The following LRP1 variants were observed in gnomAD, a reference collection of about 807,000 sequenced individuals.
LRP1 encodes prolow-density lipoprotein receptor-related protein 1.
In LRP1, 51 loss-of-function variants were observed where a neutral mutation model predicts 541.5. That is an observed-to-expected ratio of 0.09 (90% confidence interval 0.08 to 0.12). LRP1 has a LOEUF of 0.12. Among genes scored for constraint, LRP1 ranks in the 10% least tolerant of loss-of-function variants. The probability of loss-of-function intolerance (pLI) is 1.00; values close to 1 mark genes in which losing one functional copy is unlikely to be tolerated. For synonymous variants in LRP1, 2,219 were observed against 2,470.8 expected (o/e 0.90, Z 3.02); for missense variants, 3,878 against 6,376.2 (o/e 0.61, Z 13.34).
In LRP1 at chr12:57,185,508, C is replaced by T. The variant is rs201113709; in HGVS notation, c.6464-23C>T. On this transcript the variant is annotated intron_variant, in intron 40 of 88. Coordinates refer to ENST00000243077, the MANE Select transcript of LRP1 (RefSeq NM_002332.3). This position sits in a 1 kb window ranked among gnomAD's most constrained non-coding sequence, Gnocchi z 4.9. ...AGCCTTTCCCAAGGCAGGCCCTGCC[C>T]TCTGTACCCTCCCCTCCCCCAGGCA... The T allele has an allele frequency of 1.9e-6, 3 of 1,565,834 alleles. No individual in the cohort carries two copies. The highest frequency in any genetic ancestry group is 2.3e-5 in the East Asian group (1 of 44,276).
chr12:57,190,946 C>T lies in LRP1; in HGVS notation c.7173C>T (p.Leu2391=), dbSNP rs140858136. Reference sequence around the variant, plus strand: ...CCATCGACCACCGTGCCGAGAAGCTCTACTTCTCTGACGCCACCCTGGACA... The same window carrying T: ...CCATCGACCACCGTGCCGAGAAGCTTTACTTCTCTGACGCCACCCTGGACA... The part of the protein sequence containing the change: ...GLAIDHRAEK[L]YFSDATLDKI... The change falls in exon 43 of 89, where the codon CTC becomes CTT. Residue 2391 remains leucine (L), a synonymous_variant. Transcript: ENST00000243077. The T allele has an allele frequency of 5.6e-6, 9 of 1,613,354 alleles. No individual in the cohort carries two copies. The Admixed American group carries it at 1.2e-4, about 21-fold the overall frequency.
At position 57,185,603 on chromosome 12, in the gene LRP1, C is replaced by A. The variant is rs775397739; in HGVS notation, c.6536C>A (p.Ala2179Asp). 2 of 1,608,890 alleles carry A rather than the reference C, an allele frequency of 1.2e-6. No homozygotes were observed. The highest frequency in any genetic ancestry group is 2.7e-5 in the African/African-American group (2 of 74,924). The change falls in exon 41 of 89, where the codon GCC becomes GAC. Residue 2179 changes from alanine (A) to aspartate (D), a missense_variant. Ala to Asp is a moderately radical substitution (Grantham distance 126). Transcript: ENST00000243077. This position sits in a 1 kb window ranked among gnomAD's most constrained non-coding sequence, Gnocchi z 4.9. ...LCLYRGRGQR[A>D]CACAHGMLAE... is the part of the protein sequence containing the mutation. Reference sequence around the variant, plus strand: ...CTGTACCGGGGCCGTGGGCAGCGGGCCTGCGCCTGTGCCCACGGGATGCTG... The same window carrying A: ...CTGTACCGGGGCCGTGGGCAGCGGGACTGCGCCTGTGCCCACGGGATGCTG...
Position 57,205,233 on chromosome 12 carries a change from G to A in LRP1, c.11319G>A (p.Glu3773=). The change falls in exon 73 of 89, where the codon GAG becomes GAA. Residue 3773 remains glutamate (E), a synonymous_variant. Coordinates refer to ENST00000243077, the MANE Select transcript of LRP1 (RefSeq NM_002332.3). This position sits in a 1 kb window ranked among gnomAD's most constrained non-coding sequence, Gnocchi z 4.6. ...MFDDCGDGSD[E]EDCSIDPKLT... ...ATGACTGCGGGGACGGCTCTGACGAGGAGGACTGCAGCATCGGTGAGGCCC... is the reference window on the plus strand; with the variant it reads ...ATGACTGCGGGGACGGCTCTGACGAAGAGGACTGCAGCATCGGTGAGGCCC... 1 of 1,613,138 alleles carries A rather than the reference G, an allele frequency of 6.2e-7. No homozygotes were observed. Among genetic ancestry groups the A allele is most frequent in the Non-Finnish European group, 8.5e-7 (1 of 1,179,526 alleles).
At position 57,204,175 on chromosome 12, in the gene LRP1, GAGA is replaced by G. The variant is rs1405970594; in HGVS notation, c.10952-232_10952-230del. Reference sequence around the variant, plus strand: ...CAGCACAGTGCCCTGCCACATACCAGAGAAGGAGTGCCCTCTGAACTCCTCCAG... The same window carrying G: ...CAGCACAGTGCCCTGCCACATACCAGAGGAGTGCCCTCTGAACTCCTCCAG... On this transcript the variant is annotated intron_variant, in intron 70 of 88. Coordinates refer to ENST00000243077, the MANE Select transcript of LRP1 (RefSeq NM_002332.3). This position sits in a 1 kb window ranked among gnomAD's most constrained non-coding sequence, Gnocchi z 5.3. 15 of 456,880 alleles carry G rather than the reference GAGA, an allele frequency of 3.3e-5. 1 individual carries two copies. The highest frequency in any genetic ancestry group is 2.6e-4 in the Admixed American group (7 of 26,838). The allele number at this position is 456,880 out of a possible 1,614,324, so 28.3% of individuals were successfully genotyped here. A position where few individuals can be genotyped will look rare whatever the true frequency, so the allele number is the denominator to read the frequency against.
chr12:57,159,057 G>A (rs901909395), intron 11 of LRP1, among the ~76,000 whole-genome samples: 2 of 152,224 alleles, frequency 1.3e-5, no homozygotes. Flanking sequence ...GCATGCTAAT[G>A]TGTCCTGAGA....
rs1439569485 is a variant in LRP1, at chr12:57,204,238, ACC to A, written c.10952-171_10952-170del. ...AAAAATGGCCTCTTCTCCCCTAAAT[ACC>A]AGAGGGGGCAGTTTGGCCCCACCAA... On this transcript the variant is annotated intron_variant, in intron 70 of 88. Coordinates refer to ENST00000243077, the MANE Select transcript of LRP1 (RefSeq NM_002332.3). This position sits in a 1 kb window ranked among gnomAD's most constrained non-coding sequence, Gnocchi z 5.3. 5 of 711,628 alleles carry A rather than the reference ACC, an allele frequency of 7.0e-6. No homozygotes were observed. The African/African-American group carries it at 8.9e-5, about 13-fold the overall frequency. The allele number at this position is 711,628 out of a possible 1,614,324, so 44.1% of individuals were successfully genotyped here.
intron 67 of LRP1, 174 bp downstream of exon 67, chr12:57,202,079 C>A: frequency 1.3e-6 from 1 of 779,114 alleles, no homozygotes; most frequent in Admixed American, 2.5e-5. Context: ...GAGCTCACTT[C>A]CCCACATCCA....
At chr12:57,151,533 G>C (rs541639793) in intron 6 of LRP1, among the ~76,000 whole-genome samples, 1 of 152,380 alleles carries the variant, frequency 6.6e-6, no homozygotes, top group Non-Finnish European at 1.5e-5. Flanking sequence ...GTGCGCTCAG[G>C]TGGTTGGCCC....
rs749929105 is a variant in LRP1 at position 57,177,193 on chromosome 12, C to G, written c.4144C>G (p.Leu1382Val). Residue 1382 changes from leucine (L) to valine (V), a missense_variant, in exon 25 of 89, where the codon CTG becomes GTG. Leu to Val is a conservative substitution (Grantham distance 32). Around this residue, in one of 13 missense-constraint regions of LRP1, gnomAD observed 24 missense variants for 109.1 expected, o/e 0.22. Coordinates refer to ENST00000243077, the MANE Select transcript of LRP1 (RefSeq NM_002332.3). The surrounding 1 kb of genome is among the most constrained non-coding windows in gnomAD (Gnocchi z 6.8). ...GGATGGGACCCTCCGGACCACCCTG[C>G]TGGCCGGTGACATTGAGCACCCAAG... ...KLDGTLRTTLLAGDIEHPRAI... is the reference protein window; with the variant it reads ...KLDGTLRTTLVAGDIEHPRAI... 4 of 1,614,116 alleles carry G rather than the reference C, an allele frequency of 2.5e-6. No homozygotes were observed. The highest frequency in any genetic ancestry group is 3.3e-5 in the Admixed American group (2 of 60,012).
chr12:57,208,186 C>T lies in LRP1; in HGVS notation c.12008C>T (p.Pro4003Leu). The change falls in exon 77 of 89, where the codon CCC becomes CTC. Residue 4003 changes from proline to leucine, a missense_variant. By Grantham distance (98) the Pro-to-Leu change is moderately conservative (BLOSUM62 -3). Coordinates refer to ENST00000243077, the MANE Select transcript of LRP1 (RefSeq NM_002332.3). ...CTCATCTCGGGCATGATTGACGAGC[C>T]CCACGCCATTGTGGTGGACCCACTG... Reference protein sequence around the residue: ...KTLISGMIDEPHAIVVDPLRG... With the variant: ...KTLISGMIDELHAIVVDPLRG... The T allele has an allele frequency of 1.2e-6, 2 of 1,613,956 alleles. No individual in the cohort carries two copies. Among genetic ancestry groups the T allele is most frequent in the Non-Finnish European group, 1.7e-6 (2 of 1,179,954 alleles).
intron 2 of LRP1, among the ~76,000 whole-genome samples, chr12:57,140,561 T>A (rs1490394854): frequency 6.6e-6 from 1 of 152,160 alleles, no homozygotes; most frequent in Non-Finnish European, 1.5e-5. Flanking sequence ...GCCTTTCAAG[T>A]GCTTGATAGC....
At chr12:57,135,830 TGGGGGACAGCGG>T (rs2035149087) in intron 1 of LRP1, among the ~76,000 whole-genome samples, 1 of 131,714 alleles carries the variant, frequency 7.6e-6, no homozygotes. Context: ...AAAATGGGGG[TGGGGGACAGCGG>T]GGGGGACTCA....
Position 57,208,055 on chromosome 12 carries a change from G to A in LRP1, c.11877G>A (p.Met3959Ile). Residue 3959 changes from methionine (M) to isoleucine (I), a missense_variant, in exon 77 of 89, where the codon ATG becomes ATA. Transcript: ENST00000243077. ...CCATTCAGATTTCAGGGCTGAAGAT[G>A]CCCAGAGGCATCGCCATCGACTGGG... is the stretch of plus-strand genomic sequence containing the variant. ...VTHLNISGLK[M>I]PRGIAIDWVA... 2 of 1,614,074 alleles carry A rather than the reference G, an allele frequency of 1.2e-6. No homozygotes were observed. The highest frequency in any genetic ancestry group is 1.7e-6 in the Non-Finnish European group (2 of 1,180,000).
intron 77 of LRP1, 170 bp downstream of exon 77, chr12:57,208,386 C>T: frequency 1.4e-6 from 1 of 722,010 alleles, no homozygotes; most frequent in Non-Finnish European, 2.2e-6. Flanking sequence ...CCTCCCCATG[C>T]TGCCTCTGCC....
chr12:57,202,966 G>T, intron 68 of LRP1: 1 of 577,350 alleles, frequency 1.7e-6, no homozygotes, highest in East Asian at 2.8e-5. Flanking sequence ...GTCCTCTCTG[G>T]TGTCTGTCCC....
rs748306355 is a variant in LRP1 at position 57,175,581 on chromosome 12, C to G, written c.3669C>G (p.Ile1223Met). The change falls in exon 23 of 89, where the codon ATC (isoleucine) becomes ATG (methionine). Residue 1223 changes from isoleucine to methionine, a missense_variant. Coordinates refer to ENST00000243077, the MANE Select transcript of LRP1 (RefSeq NM_002332.3). ...GGCCCGACAACCACACCTGCCAGAT[C>G]CAGAGCTACTGTGCCAAGCATCTCA... ...ELGPDNHTCQ[I>M]QSYCAKHLKC... is the part of the protein sequence containing the mutation. The G allele has an allele frequency of 1.4e-5, 22 of 1,613,996 alleles. No homozygotes were observed. Among genetic ancestry groups the G allele is most frequent in the Non-Finnish European group, 1.9e-5 (22 of 1,179,956 alleles).
rs779077274 is a variant in LRP1 at position 57,208,191 on chromosome 12, G to A, written c.12013G>A (p.Ala4005Thr). Residue 4005 changes from alanine to threonine, a missense_variant, in exon 77 of 89, where the codon GCC becomes ACC. By Grantham distance (58) the Ala-to-Thr change is moderately conservative. Around this residue, in one of 13 missense-constraint regions of LRP1, gnomAD observed 871 missense variants for 1,212.4 expected, o/e 0.72. Transcript: ENST00000243077. ...LISGMIDEPH[A>T]IVVDPLRGTM... is the part of the protein sequence containing the mutation. ...CTCGGGCATGATTGACGAGCCCCAC[G>A]CCATTGTGGTGGACCCACTGAGGGG... The A allele has an allele frequency of 1.6e-5, 26 of 1,613,732 alleles. No individual in the cohort carries two copies. The highest frequency in any genetic ancestry group is 2.1e-5 in the Non-Finnish European group (25 of 1,179,906).
intron 1 of LRP1, among the ~76,000 whole-genome samples, chr12:57,134,710 T>TC (rs1467565643): frequency 6.6e-6 from 1 of 151,882 alleles, no homozygotes; most frequent in Non-Finnish European, 1.5e-5. Context: ...TTTCTTTCTT[T>TC]TTTTTTTCTT....
intron 80 of LRP1, 52 bp downstream of exon 80, chr12:57,209,920 G>C: frequency 6.2e-7 from 1 of 1,602,034 alleles, no homozygotes; most frequent in Non-Finnish European, 8.5e-7. Flanking sequence ...TGGGCATTGA[G>C]TCTCCAAGCT....
Sources: allele counts gnomAD v4.1 joint callset (sites outside exome capture counted in the v4.1 genomes callset), GRCh38; gene constraint gnomAD v4.1.1; regional missense constraint gnomAD v4.1.1; non-coding constraint Gnocchi (gnomAD v3.1); transcripts MANE v1.5; gene names NCBI Gene and HGNC (gene_info 2026-07-23, HGNC 2026-07-21).